Variants in NKX2-2 observed in about 807,000 individuals in gnomAD.
NKX2-2 encodes the protein homeobox protein Nkx-2.2.
Under a neutral mutation model 24.6 loss-of-function variants are expected in NKX2-2, and 8 were observed. The ratio of observed to expected loss-of-function variants is 0.32; its 90% CI spans 0.19 to 0.59. The LOEUF (loss-of-function observed/expected upper bound fraction) is 0.59. Among genes scored for constraint, NKX2-2 ranks in the 20% least tolerant of loss-of-function variants. The pLI is 0.86. For synonymous variants in NKX2-2, 217 were observed against 173.3 expected, an observed-to-expected ratio of 1.25 and a Z score of -1.98; for missense variants, 381 against 373.9, an observed-to-expected ratio of 1.02 and a Z score of -0.16.
chr20:21,514,545 A>T (rs1980567053), upstream of NKX2-2, among the ~76,000 whole-genome samples: 1 of 152,196 alleles, frequency 6.6e-6, no homozygotes, highest in Non-Finnish European at 1.5e-5. Flanking sequence ...AACAGAAACC[A>T]GGAGGAGGGA....
At chr20:21,521,766 C>G in the NKX2-2 span, among the ~76,000 whole-genome samples, 2 of 152,218 alleles carry the variant, frequency 1.3e-5, no homozygotes, top group Non-Finnish European at 2.9e-5. Context: ...CAACCGGCCC[C>G]GGGCAATCGG....
chr20:21,518,535 G>A (rs767271036), upstream of NKX2-2, among the ~76,000 whole-genome samples: 1 of 152,194 alleles, frequency 6.6e-6, no homozygotes, highest in Non-Finnish European at 1.5e-5. Context: ...ATCGCCGGAG[G>A]CCCAGGAGGG....
intron 1 of NKX2-2, among the ~76,000 whole-genome samples, chr20:21,512,976 A>C (rs1018880880): frequency 2.0e-5 from 3 of 152,156 alleles, no homozygotes; most frequent in Non-Finnish European, 2.9e-5. Flanking sequence ...CGCAGGGGGC[A>C]GGGTGAGCTA....
chr20:21,517,140 G>A (rs1980660288), upstream of NKX2-2, among the ~76,000 whole-genome samples: 1 of 152,178 alleles, frequency 6.6e-6, no homozygotes, highest in Admixed American at 6.5e-5. Context: ...TCAAAGGTCG[G>A]GTTTGCCTTT....
chr20:21,521,397 C>T, the NKX2-2 span, among the ~76,000 whole-genome samples: 1 of 152,178 alleles, frequency 6.6e-6, no homozygotes, highest in African/African-American at 2.4e-5. Context: ...TCTACTGACA[C>T]AAACGAGAAC....
In NKX2-2 at chr20:21,512,498, G is replaced by T; in HGVS notation, c.260-13C>A. ...GCCAGACCGTGCACTGGGGGGAGGG[G>T]GAGAGAGAAGCGCGTCAGGCGTCTG... On this transcript the variant is annotated splice_polypyrimidine_tract_variant and intron_variant, in intron 1 of 1. Coordinates refer to ENST00000377142, the MANE Select transcript of NKX2-2 (RefSeq NM_002509.4). The T allele has an allele frequency of 6.5e-7, 1 of 1,533,526 alleles. No homozygotes were observed. The highest frequency in any genetic ancestry group is 1.2e-5 in the South Asian group (1 of 81,362). 95.0% of individuals were successfully genotyped at this position (1,533,526 alleles called of 1,614,324 possible).
rs1051676743 is a variant in NKX2-2, at chr20:21,511,239, A to G, written c.*684T>C. On this transcript the variant is annotated 3_prime_UTR_variant, in exon 2 of 2. Transcript: ENST00000377142. ...AAATAAAAAGAGAAAGGAAGAAAGC[A>G]GGGGAAAACGCAAAAACAAAAACAA... The G allele has an allele frequency of 6.6e-6, 1 of 152,072 alleles. No individual in the cohort carries two copies. The highest frequency in any genetic ancestry group is 1.5e-5 in the Non-Finnish European group (1 of 68,026). 9.4% of individuals were successfully genotyped at this position (152,072 alleles called of 1,614,324 possible).
the NKX2-2 span, among the ~76,000 whole-genome samples, chr20:21,520,263 C>T: frequency 2.0e-5 from 3 of 151,772 alleles, no homozygotes; most frequent in African/African-American, 7.3e-5. Context: ...AGTCCCCCTG[C>T]GATTAACTGT....
chr20:21,518,544 G>A, upstream of NKX2-2, among the ~76,000 whole-genome samples: 1 of 152,194 alleles, frequency 6.6e-6, no homozygotes, highest in Non-Finnish European at 1.5e-5. Flanking sequence ...GGCCCAGGAG[G>A]GGAGGCGAAT....
chr20:21,513,752 G>T lies in NKX2-2; in HGVS notation c.-83C>A, dbSNP rs1302027861. 3 of 1,189,006 alleles carry T rather than the reference G, an allele frequency of 2.5e-6. No homozygotes were observed. In the African/African-American group the frequency reaches 4.8e-5, roughly 19 times the overall value. 73.7% of individuals were successfully genotyped at this position (1,189,006 alleles called of 1,614,324 possible). On this transcript the variant is annotated 5_prime_UTR_variant, in exon 1 of 2. Transcript: ENST00000377142. This position sits in a 1 kb window ranked among gnomAD's most constrained non-coding sequence, Gnocchi z 4.6. ...GCGCTCCCCTGCCCCGGCGGGCGGG[G>T]GAGGGGGGAGTTGGGGGGAGGGACT...
rs1221836916 is a variant in NKX2-2, at chr20:21,512,004, G to T, written c.741C>A (p.Tyr247Ter). The change falls in exon 2 of 2, where the codon TAC (tyrosine) becomes TAA (stop). Residue 247 changes from tyrosine (Y) to a stop codon, truncating the protein, a stop_gained. Coordinates refer to ENST00000377142, the MANE Select transcript of NKX2-2 (RefSeq NM_002509.4). LOFTEE classifies it high-confidence loss of function. ...YSAQSLQHMQ[Y>*]NAQYSSASTP... Reference sequence around the variant, plus strand: ...TGCTGGCCGAGCTGTACTGGGCGTTGTACTGCATGTGCTGCAGCGACTGCG... The same window carrying T: ...TGCTGGCCGAGCTGTACTGGGCGTTTTACTGCATGTGCTGCAGCGACTGCG... 3 of 1,613,300 alleles carry T rather than the reference G, an allele frequency of 1.9e-6. No individual in the cohort carries two copies. The highest frequency in any genetic ancestry group is 2.5e-6 in the Non-Finnish European group (3 of 1,179,944).
the NKX2-2 span, among the ~76,000 whole-genome samples, chr20:21,520,340 A>G: frequency 6.6e-6 from 1 of 152,076 alleles, no homozygotes; most frequent in African/African-American, 2.4e-5. Context: ...AAAATATACA[A>G]CACTTTCCCA....
upstream of NKX2-2, among the ~76,000 whole-genome samples, chr20:21,516,911 C>A (rs1037126657): frequency 6.6e-6 from 1 of 152,198 alleles, no homozygotes; most frequent in Non-Finnish European, 1.5e-5. Context: ...TTCCCAACTT[C>A]TCTCCCCCTT....
At chr20:21,516,372 A>G (rs1469856255), upstream of NKX2-2, among the ~76,000 whole-genome samples, 1 of 147,850 alleles carries the variant, frequency 6.8e-6, no homozygotes, top group Middle Eastern at 3.3e-3. Flanking sequence ...GTCTTCCTCG[A>G]ACCCATTACT....
chr20:21,513,347 A>G lies in NKX2-2; in HGVS notation c.259+64T>C. 6.1e-6 allele frequency: 9 copies of G among 1,472,238 alleles called. No individual in the cohort carries two copies. The highest frequency in any genetic ancestry group is 7.2e-6 in the Non-Finnish European group (8 of 1,109,556). 91.2% of individuals were successfully genotyped at this position (1,472,238 alleles called of 1,614,324 possible). On this transcript the variant is annotated intron_variant, in intron 1 of 1. Coordinates refer to ENST00000377142, the MANE Select transcript of NKX2-2 (RefSeq NM_002509.4). This position sits in a 1 kb window ranked among gnomAD's most constrained non-coding sequence, Gnocchi z 4.6. ...CTTCCCCTTTCACTCCCAGCGTCCAACCCGGGCTGCGGCTGCAGGAATGGA... is the reference window on the plus strand; with the variant it reads ...CTTCCCCTTTCACTCCCAGCGTCCAGCCCGGGCTGCGGCTGCAGGAATGGA...
At chr20:21,521,641 G>T in the NKX2-2 span, among the ~76,000 whole-genome samples, 11 of 152,302 alleles carry the variant, frequency 7.2e-5, no homozygotes, top group African/African-American at 2.6e-4. Context: ...CGGGACTTCT[G>T]CCTCTGTTTC....
At chr20:21,515,533 T>G (rs1980611062), upstream of NKX2-2, among the ~76,000 whole-genome samples, 1 of 150,184 alleles carries the variant, frequency 6.7e-6, no homozygotes, top group Admixed American at 6.6e-5. Flanking sequence ...CACTTCCTCC[T>G]CGGCGCTGGG....
Position 21,513,558 on chromosome 20 carries a change from C to A in NKX2-2, c.112G>T (p.Gly38Trp), listed in dbSNP as rs2122543882. 1 of 1,613,562 alleles carries A rather than the reference C, an allele frequency of 6.2e-7. No homozygotes were observed. Among genetic ancestry groups the A allele is most frequent in the South Asian group, 1.1e-5 (1 of 90,968 alleles). Residue 38 changes from glycine (G) to tryptophan (W), a missense_variant, in exon 1 of 2, where the codon GGG (glycine) becomes TGG (tryptophan). Transcript: ENST00000377142. This position sits in a 1 kb window ranked among gnomAD's most constrained non-coding sequence, Gnocchi z 4.6. ...VAEGPEEENE[G>W]PEPAKRAGPL... ...CCGGCCCTCTTGGCTGGCTCGGGCC[C>A]CTCGTTCTCTTCCTCCGGACCTTCG... is the stretch of plus-strand genomic sequence containing the variant.
In NKX2-2 at chr20:21,511,619, G is replaced by T; in HGVS notation, c.*304C>A. The T allele has an allele frequency of 3.6e-6, 1 of 278,624 alleles. No individual in the cohort carries two copies. Among genetic ancestry groups the T allele is most frequent in the Non-Finnish European group, 6.6e-6 (1 of 151,646 alleles). 17.3% of individuals were successfully genotyped at this position (278,624 alleles called of 1,614,324 possible). A position where few individuals can be genotyped will look rare whatever the true frequency, so the allele number is the denominator to read the frequency against. ...ACGACATTAACGCTGGGACGGTTTG[G>T]TCCCCCCGGGGAGAGGCAAAGAAGC... is the stretch of plus-strand genomic sequence containing the variant. On this transcript the variant is annotated 3_prime_UTR_variant, in exon 2 of 2. Transcript: ENST00000377142.
Sources: gnomAD v4.1 joint callset for allele counts (sites outside exome capture counted in the v4.1 genomes callset) on GRCh38, gnomAD v4.1.1 for gene constraint, Gnocchi (gnomAD v3.1) non-coding constraint, MANE v1.5 for transcripts, NCBI Gene and HGNC (gene_info 2026-07-23, HGNC 2026-07-21) for gene names.